Variants in SCRT2 observed in about 807,000 individuals in gnomAD.
SCRT2 encodes scratch family transcriptional repressor 2.
SCRT2 carries 2 observed loss-of-function variants against 3.7 expected under a neutral mutation model. The ratio of observed to expected loss-of-function variants is 0.54; its 90% CI spans 0.22 to 1.70. The LOEUF is 1.70. Ranked by LOEUF, SCRT2 falls within the 40% of genes most tolerant of loss-of-function variation. SCRT2 has a pLI of 0.19. For synonymous variants in SCRT2, 256 were observed against 220.6 expected (o/e 1.16, Z -1.42); for missense variants, 456 against 468.5 (o/e 0.97, Z 0.25).
rs1294919288 is a variant in SCRT2 at position 666,967 on chromosome 20, G to A, written c.134-2506C>T. 1.3e-5 allele frequency among the ~76,000 whole-genome samples: 2 copies of A among 152,144 alleles called. No homozygotes were observed. The highest frequency in any genetic ancestry group is 2.9e-5 in the Non-Finnish European group (2 of 68,042). ...AGGGGTGACTGATCACGTAACCAGT[G>A]CTTTGAGTTCTATTATTAAAGGATG... On this transcript the variant is annotated intron_variant, in intron 1 of 1. Coordinates refer to ENST00000246104, the MANE Select transcript of SCRT2 (RefSeq NM_033129.4). This position sits in a 1 kb window ranked among gnomAD's most constrained non-coding sequence, Gnocchi z 4.4.
At chr20:669,565 C>G (rs1165327697) in intron 1 of SCRT2, among the ~76,000 whole-genome samples, 2 of 152,196 alleles carry the variant, frequency 1.3e-5, no homozygotes, top group Non-Finnish European at 2.9e-5. Context: ...GGGGGGCCAG[C>G]TTCCCCGGCG....
rs1337692019 is a variant in SCRT2 at position 664,183 on chromosome 20, CGCCCCCCGCGTCTCCCGA to C, written c.394_411del (p.Ser132_Gly137del). 33 of 1,061,488 alleles carry C rather than the reference CGCCCCCCGCGTCTCCCGA, an allele frequency of 3.1e-5. No homozygotes were observed. The highest frequency in any genetic ancestry group is 1.3e-4 in the South Asian group (3 of 22,848). 65.8% of individuals were successfully genotyped at this position (1,061,488 alleles called of 1,614,324 possible). A position where few individuals can be genotyped will look rare whatever the true frequency, so the allele number is the denominator to read the frequency against. ...CCCGCGCGCCCCGCGCGCCCCCCGG[CGCCCCCCGCGTCTCCCGA>C]GCCCCCCGCGTCCCCGCCGCCCCCG... is the stretch of plus-strand genomic sequence containing the variant. On this transcript the variant is annotated inframe_deletion, in exon 2 of 2. Transcript: ENST00000246104. The surrounding 1 kb of genome is among the most constrained non-coding windows in gnomAD (Gnocchi z 7.9).
chr20:663,693 G>T lies in SCRT2; in HGVS notation c.902C>A (p.Thr301Asn). 1 of 1,509,702 alleles carries T rather than the reference G, an allele frequency of 6.6e-7. No homozygotes were observed. Among genetic ancestry groups the T allele is most frequent in the Non-Finnish European group, 8.8e-7 (1 of 1,130,182 alleles). 93.5% of individuals were successfully genotyped at this position (1,509,702 alleles called of 1,614,324 possible). A position where few individuals can be genotyped will look rare whatever the true frequency, so the allele number is the denominator to read the frequency against. ...CAKAAEPPPP[T>N]PAGPAS ...GGCTCAGCTGGCCGGGCCGGCGGGG[G>T]TCGGCGGGGGTGGCTCGGCCGCCTT... Residue 301 changes from threonine (T) to asparagine (N), a missense_variant, in exon 2 of 2, where the codon ACC becomes AAC. Coordinates refer to ENST00000246104, the MANE Select transcript of SCRT2 (RefSeq NM_033129.4). The surrounding 1 kb of genome is among the most constrained non-coding windows in gnomAD (Gnocchi z 6.9).
intron 1 of SCRT2, among the ~76,000 whole-genome samples, chr20:671,035 C>A (rs531019719): frequency 6.6e-6 from 1 of 152,322 alleles, no homozygotes; most frequent in South Asian, 2.1e-4. Flanking sequence ...CAAGGCCACA[C>A]AGAAGGCTAA....
At chr20:674,225 G>A (rs1334015269) in intron 1 of SCRT2, among the ~76,000 whole-genome samples, 2 of 151,976 alleles carry the variant, frequency 1.3e-5, no homozygotes, top group Non-Finnish European at 1.5e-5. Flanking sequence ...GCAGAGTGAT[G>A]GAATGTGGGT....
chr20:673,669 T>G (rs1451126484), intron 1 of SCRT2, among the ~76,000 whole-genome samples: 5 of 152,178 alleles, frequency 3.3e-5, no homozygotes, highest in Non-Finnish European at 7.4e-5. Context: ...ACTCAGGGGC[T>G]CCTTTCAAAG....
chr20:668,305 A>T (rs1984221155), intron 1 of SCRT2, among the ~76,000 whole-genome samples: 2 of 151,920 alleles, frequency 1.3e-5, no homozygotes, highest in Admixed American at 1.3e-4. Flanking sequence ...AACCCTGGAG[A>T]CTCCTTTAGG....
In SCRT2 at chr20:662,963, C is replaced by T. The variant is rs1366975180; in HGVS notation, c.*708G>A. 1 of 152,612 alleles carries T rather than the reference C, an allele frequency of 6.6e-6. No individual in the cohort carries two copies. The highest frequency in any genetic ancestry group is 1.5e-5 in the Non-Finnish European group (1 of 68,418). 9.5% of individuals were successfully genotyped at this position (152,612 alleles called of 1,614,324 possible). A position where few individuals can be genotyped will look rare whatever the true frequency, so the allele number is the denominator to read the frequency against. On this transcript the variant is annotated 3_prime_UTR_variant, in exon 2 of 2. Transcript: ENST00000246104. ...GGGCTGGGAGTGGGTGATGAGATCCCCATGGACTGAAGACAGTAGGAACTG... is the reference window on the plus strand; with the variant it reads ...GGGCTGGGAGTGGGTGATGAGATCCTCATGGACTGAAGACAGTAGGAACTG...
At chr20:672,296 G>A (rs1461518865) in intron 1 of SCRT2, among the ~76,000 whole-genome samples, 1 of 152,118 alleles carries the variant, frequency 6.6e-6, no homozygotes, top group African/African-American at 2.4e-5. Flanking sequence ...GGGCTTGGGG[G>A]GACCCTGGAG....
rs1236003037 is a variant in SCRT2 at position 663,805 on chromosome 20, C to T, written c.790G>A (p.Ala264Thr). The change falls in exon 2 of 2, where the codon GCC becomes ACC. Residue 264 changes from alanine (A) to threonine (T), a missense_variant. Coordinates refer to ENST00000246104, the MANE Select transcript of SCRT2 (RefSeq NM_033129.4). The surrounding 1 kb of genome is among the most constrained non-coding windows in gnomAD (Gnocchi z 6.9). ...NLRAHMQTHS[A>T]FKHYRCRQCD... ...TGGCGGCAGCGGTAGTGCTTGAAGG[C>T]CGAGTGCGTCTGCATGTGCGCGCGC... 6.3e-7 allele frequency: 1 copy of T among 1,595,652 alleles called. No individual in the cohort carries two copies. The highest frequency in any genetic ancestry group is 8.5e-7 in the Non-Finnish European group (1 of 1,173,244).
chr20:675,657 T>G lies in SCRT2; in HGVS notation c.-56A>C. On this transcript the variant is annotated 5_prime_UTR_variant, in exon 1 of 2. Coordinates refer to ENST00000246104, the MANE Select transcript of SCRT2 (RefSeq NM_033129.4). This position sits in a 1 kb window ranked among gnomAD's most constrained non-coding sequence, Gnocchi z 6.9. ...AGGCGGCCGGCCGGGCGCGATCGGC[T>G]GTGTCCGCGCGGGTTTTCAGCACTG... The G allele has an allele frequency of 8.3e-7, 1 of 1,210,448 alleles. No homozygotes were observed. The highest frequency in any genetic ancestry group is 1.0e-6 in the Non-Finnish European group (1 of 958,424). 75.0% of individuals were successfully genotyped at this position (1,210,448 alleles called of 1,614,324 possible).
Position 666,505 on chromosome 20 carries a change from A to G in SCRT2, c.134-2044T>C, listed in dbSNP as rs1984159662. ...CTGTGCTAAGTGCTTCGCTCCCATC[A>G]TCTCACTGAATCATCACAAAACTAC... On this transcript the variant is annotated intron_variant, in intron 1 of 1. Coordinates refer to ENST00000246104, the MANE Select transcript of SCRT2 (RefSeq NM_033129.4). This position sits in a 1 kb window ranked among gnomAD's most constrained non-coding sequence, Gnocchi z 4.4. Among the ~76,000 whole-genome samples the G allele has an allele frequency of 2.0e-5, 3 of 152,184 alleles. No homozygotes were observed. The highest frequency in any genetic ancestry group is 2.0e-4 in the Admixed American group (3 of 15,288).
chr20:666,520 C>T lies in SCRT2; in HGVS notation c.134-2059G>A, dbSNP rs1257695210. On this transcript the variant is annotated intron_variant, in intron 1 of 1. Transcript: ENST00000246104. The surrounding 1 kb of genome is among the most constrained non-coding windows in gnomAD (Gnocchi z 4.4). ...CGCTCCCATCATCTCACTGAATCAT[C>T]ACAAAACTACTCTCATCACAGATAA... is the stretch of plus-strand genomic sequence containing the variant. Among the ~76,000 whole-genome samples the T allele has an allele frequency of 6.6e-6, 1 of 152,220 alleles. No individual in the cohort carries two copies. Among genetic ancestry groups the T allele is most frequent in the Non-Finnish European group, 1.5e-5 (1 of 68,034 alleles).
chr20:671,320 G>GATGTTGGACTGA (rs1984323907), intron 1 of SCRT2, among the ~76,000 whole-genome samples: 1 of 152,218 alleles, frequency 6.6e-6, no homozygotes, highest in African/African-American at 2.4e-5. Flanking sequence ...TCTGTACTTG[G>GATGTTGGACTGA]ATGTTGGACT....
At position 675,649 on chromosome 20, in the gene SCRT2, C is replaced by G. The variant is rs1379986471; in HGVS notation, c.-48G>C. The G allele has an allele frequency of 3.2e-6, 4 of 1,233,434 alleles. No individual in the cohort carries two copies. The allele number at this position is 1,233,434 out of a possible 1,614,324, so 76.4% of individuals were successfully genotyped here. On this transcript the variant is annotated 5_prime_UTR_variant, in exon 1 of 2. Transcript: ENST00000246104. The surrounding 1 kb of genome is among the most constrained non-coding windows in gnomAD (Gnocchi z 6.9). ...GTGCGGGGAGGCGGCCGGCCGGGCG[C>G]GATCGGCTGTGTCCGCGCGGGTTTT...
Position 663,924 on chromosome 20 carries a change from G to T in SCRT2, c.671C>A (p.Pro224His). The change falls in exon 2 of 2, where the codon CCC becomes CAC. Residue 224 changes from proline to histidine, a missense_variant. Physicochemically the swap from Pro to His is moderately conservative, Grantham distance 77. This residue lies in a region of SCRT2 where 144 missense variants were observed against 141.9 expected (regional missense o/e 1.01). Coordinates refer to ENST00000246104, the MANE Select transcript of SCRT2 (RefSeq NM_033129.4). This position sits in a 1 kb window ranked among gnomAD's most constrained non-coding sequence, Gnocchi z 6.9. ...CGVCGKAFSR[P>H]WLLQGHMRSH... ...GCGCATGTGACCCTGCAGCAGCCAG[G>T]GCCGCGAGAAGGCCTTGCCGCAGAC... 1.2e-6 allele frequency: 2 copies of T among 1,608,144 alleles called. No individual in the cohort carries two copies. Among genetic ancestry groups the T allele is most frequent in the South Asian group, 1.1e-5 (1 of 90,796 alleles).
chr20:667,180 G>A lies in SCRT2; in HGVS notation c.134-2719C>T, dbSNP rs964407618. On this transcript the variant is annotated intron_variant, in intron 1 of 1. Coordinates refer to ENST00000246104, the MANE Select transcript of SCRT2 (RefSeq NM_033129.4). The surrounding 1 kb of genome is among the most constrained non-coding windows in gnomAD (Gnocchi z 4.4). Reference sequence around the variant, plus strand: ...GCACTCTCAGAGCACTCCTGTGTCAGGCACTCTTACAAGGGCTTTCCACAC... The same window carrying A: ...GCACTCTCAGAGCACTCCTGTGTCAAGCACTCTTACAAGGGCTTTCCACAC... 6.6e-6 allele frequency among the ~76,000 whole-genome samples: 1 copy of A among 152,160 alleles called. No homozygotes were observed. Among genetic ancestry groups the A allele is most frequent in the Admixed American group, 6.5e-5 (1 of 15,282 alleles).
At position 675,390 on chromosome 20, in the gene SCRT2, C is replaced by G. The variant is rs956852051; in HGVS notation, c.133+79G>C. On this transcript the variant is annotated intron_variant, in intron 1 of 1. Coordinates refer to ENST00000246104, the MANE Select transcript of SCRT2 (RefSeq NM_033129.4). The surrounding 1 kb of genome is among the most constrained non-coding windows in gnomAD (Gnocchi z 6.9). Reference sequence around the variant, plus strand: ...GGGTTTCCTGTCGCACGCGCCCCTCCTCGTGGCCCAAGCTGGGGAGGGCCC... The same window carrying G: ...GGGTTTCCTGTCGCACGCGCCCCTCGTCGTGGCCCAAGCTGGGGAGGGCCC... 6.7e-6 allele frequency: 8 copies of G among 1,189,332 alleles called. No individual in the cohort carries two copies. In the African/African-American group the frequency reaches 1.1e-4, roughly 16 times the overall value. The allele number at this position is 1,189,332 out of a possible 1,614,324, so 73.7% of individuals were successfully genotyped here.
At position 664,219 on chromosome 20, in the gene SCRT2, C is replaced by T. The variant is rs1984073065; in HGVS notation, c.376G>A (p.Gly126Ser). Residue 126 changes from glycine to serine, a missense_variant, in exon 2 of 2, where the codon GGC becomes AGC. Around this residue, in one of 3 missense-constraint regions of SCRT2, gnomAD observed 306 missense variants for 305.3 expected, o/e 1.00. Coordinates refer to ENST00000246104, the MANE Select transcript of SCRT2 (RefSeq NM_033129.4). The surrounding 1 kb of genome is among the most constrained non-coding windows in gnomAD (Gnocchi z 7.9). Reference protein sequence around the residue: ...GRSRRRRGGGGGDAGGSGDAG... With the variant: ...GRSRRRRGGGSGDAGGSGDAG... ...TCTCCCGAGCCCCCCGCGTCCCCGC[C>T]GCCCCCGCCCCGCCGCCGCCGCGAG... The T allele has an allele frequency of 1.6e-6, 2 of 1,248,076 alleles. No homozygotes were observed. Among genetic ancestry groups the T allele is most frequent in the African/African-American group, 1.6e-5 (1 of 64,150 alleles). 77.3% of individuals were successfully genotyped at this position (1,248,076 alleles called of 1,614,324 possible).
Sources: allele counts gnomAD v4.1 joint callset (sites outside exome capture counted in the v4.1 genomes callset), GRCh38; gene constraint gnomAD v4.1.1; regional missense constraint gnomAD v4.1.1; non-coding constraint Gnocchi (gnomAD v3.1); transcripts MANE v1.5; gene names NCBI Gene and HGNC (gene_info 2026-07-23, HGNC 2026-07-21).